The following TBC1D30 variants were observed in gnomAD, a reference collection of about 807,000 sequenced individuals.
TBC1D30 encodes TBC1 domain family, member 30.
A neutral mutation model predicts 63.2 loss-of-function variants in TBC1D30; 31 were observed. The observed-to-expected ratio is 0.49, with a 90% confidence interval of 0.37 to 0.66. The LOEUF is 0.66. TBC1D30 is among the 30% of genes least tolerant of loss of function. The pLI is 0.00. For synonymous variants in TBC1D30, 307 were observed against 361.5 expected (o/e 0.85, Z 1.71); for missense variants, 810 against 953.6 (o/e 0.85, Z 1.98).
At position 64,828,511 on chromosome 12, in the gene TBC1D30, TA is replaced by T. The variant is rs1874560938; in HGVS notation, c.282+4del. Reference sequence around the variant, plus strand: ...ATACCAAAGGAATGGAGGAGAAAGGTAAGGAGGACTCATAGGGCTAGAATAC... The same window carrying T: ...ATACCAAAGGAATGGAGGAGAAAGGTAGGAGGACTCATAGGGCTAGAATAC... On this transcript the variant is annotated splice_donor_region_variant and intron_variant, in intron 3 of 11. Transcript: ENST00000539867. 6.5e-7 allele frequency: 1 copy of T among 1,532,918 alleles called. No homozygotes were observed. Among genetic ancestry groups the T allele is most frequent in the Non-Finnish European group, 8.7e-7 (1 of 1,144,132 alleles). The allele number at this position is 1,532,918 out of a possible 1,614,324, so 95.0% of individuals were successfully genotyped here. A position where few individuals can be genotyped will look rare whatever the true frequency, so the allele number is the denominator to read the frequency against.
chr12:64,780,726 C>G (rs956854253), exon 1 of TBC1D30: 7 of 982,250 alleles, frequency 7.1e-6, no homozygotes, highest in Non-Finnish European at 8.5e-6. Context: ...CCGGCGAGGA[C>G]GAAGCCGCGC....
chr12:64,827,618 C>T (rs1039755773), intron 1 of TBC1D30, among the ~76,000 whole-genome samples: 1 of 151,948 alleles, frequency 6.6e-6, no homozygotes, highest in African/African-American at 2.4e-5. Flanking sequence ...TGTAAACCAC[C>T]GTCATATGTA....
exon 1 of TBC1D30, chr12:64,780,719 G>T: frequency 1.0e-6 from 1 of 980,946 alleles, no homozygotes; most frequent in Non-Finnish European, 1.2e-6. Flanking sequence ...GGCACCACCG[G>T]CGAGGACGAA....
rs1381091786 is a variant in TBC1D30, at chr12:64,875,422, G to A, written c.1920G>A (p.Pro640=). The change falls in exon 12 of 12, where the codon CCG becomes CCA. Residue 640 remains proline (P), a synonymous_variant. Coordinates refer to ENST00000539867, the MANE Select transcript of TBC1D30 (RefSeq NM_015279.2). ...CGATCGAGGGGCAGTCTCCGGAGCC[G>A]GTGTTCGGAGATGCTGATGTGGATG... is the stretch of plus-strand genomic sequence containing the variant. ...RRTIEGQSPE[P]VFGDADVDVS... 3.9e-6 allele frequency: 6 copies of A among 1,536,154 alleles called. No individual in the cohort carries two copies. Among genetic ancestry groups the A allele is most frequent in the Middle Eastern group, 1.7e-4 (1 of 5,990 alleles).
intron 2 of TBC1D30, among the ~76,000 whole-genome samples, chr12:64,796,874 C>CT (rs1255622449): frequency 6.6e-6 from 1 of 151,864 alleles, no homozygotes; most frequent in Non-Finnish European, 1.5e-5. Context: ...AAAAGAAATA[C>CT]TTTTTCCCCC....
intron 2 of TBC1D30, among the ~76,000 whole-genome samples, chr12:64,799,226 C>G (rs921261325): frequency 6.6e-6 from 1 of 152,084 alleles, no homozygotes; most frequent in African/African-American, 2.4e-5. Flanking sequence ...CCCCTGGGCT[C>G]AGATCCCAGT....
In TBC1D30 at chr12:64,880,347, A is replaced by G. The variant is rs1262624786; in HGVS notation, c.*4559A>G. ...TGACTCAGTTCAGGCTGCTGTAACA[A>G]AGTACCATAGACTGAGGTGGCTTAA... On this transcript the variant is annotated 3_prime_UTR_variant, in exon 12 of 12. Transcript: ENST00000539867. 6.6e-6 allele frequency: 1 copy of G among 152,270 alleles called. No individual in the cohort carries two copies. The highest frequency in any genetic ancestry group is 1.9e-4 in the East Asian group (1 of 5,202). The allele number at this position is 152,270 out of a possible 1,614,324, so 9.4% of individuals were successfully genotyped here. A position where few individuals can be genotyped will look rare whatever the true frequency, so the allele number is the denominator to read the frequency against.
intron 8 of TBC1D30, among the ~76,000 whole-genome samples, chr12:64,848,912 T>G (rs1204527184): frequency 6.6e-6 from 1 of 152,236 alleles, no homozygotes; most frequent in East Asian, 1.9e-4. Flanking sequence ...GCATTCCTAT[T>G]TCTCCACATC....
chr12:64,809,954 C>T (rs1450366065), intron 2 of TBC1D30, among the ~76,000 whole-genome samples: 1 of 152,068 alleles, frequency 6.6e-6, no homozygotes, highest in African/African-American at 2.4e-5. Context: ...TTCTTCTTCG[C>T]TATTTCCTCC....
At chr12:64,791,559 G>C (rs1871920825) in intron 2 of TBC1D30, among the ~76,000 whole-genome samples, 1 of 152,052 alleles carries the variant, frequency 6.6e-6, no homozygotes, top group Non-Finnish European at 1.5e-5. Context: ...GTGTCACCCA[G>C]GCTGGAATGC....
intron 2 of TBC1D30, among the ~76,000 whole-genome samples, chr12:64,817,503 C>T (rs565774040): frequency 4.6e-5 from 7 of 152,320 alleles, no homozygotes; most frequent in East Asian, 1.9e-4. Context: ...TCTCTTCACA[C>T]GTCTCCTCAT....
Position 64,824,769 on chromosome 12 carries a change from G to A in TBC1D30, c.-111G>A, listed in dbSNP as rs1874145567. 7.2e-7 allele frequency: 1 copy of A among 1,394,808 alleles called. No homozygotes were observed. The highest frequency in any genetic ancestry group is 9.5e-7 in the Non-Finnish European group (1 of 1,055,598). 86.4% of individuals were successfully genotyped at this position (1,394,808 alleles called of 1,614,324 possible). A position where few individuals can be genotyped will look rare whatever the true frequency, so the allele number is the denominator to read the frequency against. ...CGGCTGTGCGCTCCCTGCTCCCACG[G>A]GCCGGTCAGCCGCAGACACTCACCC... On this transcript the variant is annotated 5_prime_UTR_variant, in exon 1 of 12. Coordinates refer to ENST00000539867, the MANE Select transcript of TBC1D30 (RefSeq NM_015279.2).
rs373088689 is a variant in TBC1D30 at position 64,816,745 on chromosome 12, T to C, written c.644-11090T>C. Among the ~76,000 whole-genome samples, 8 of 152,190 alleles carry C rather than the reference T, an allele frequency of 5.3e-5. No homozygotes were observed. The South Asian group carries it at 1.5e-3, about 28-fold the overall frequency. On this transcript the variant is annotated intron_variant, in intron 2 of 12. Transcript: ENST00000542120. ...TAGTCACAGCATTCTTTTGTTCCTT[T>C]CTTTTCTTTTCTCTTTCTTTCTCTT...
intron 1 of TBC1D30, among the ~76,000 whole-genome samples, chr12:64,764,865 A>G (rs1173867102): frequency 6.6e-6 from 1 of 152,250 alleles, no homozygotes; most frequent in African/African-American, 2.4e-5. Context: ...GGCAAGGCAA[A>G]GAATGACCAA....
At chr12:64,790,964 C>G (rs549246683) in intron 2 of TBC1D30, among the ~76,000 whole-genome samples, 1 of 152,128 alleles carries the variant, frequency 6.6e-6, no homozygotes, top group Non-Finnish European at 1.5e-5. Context: ...AGACATATGT[C>G]CCCACAAAAA....
At chr12:64,765,339 A>C (rs1870667629) in intron 1 of TBC1D30, among the ~76,000 whole-genome samples, 2 of 151,638 alleles carry the variant, frequency 1.3e-5, no homozygotes, top group Non-Finnish European at 2.9e-5. Flanking sequence ...AATACAAAAA[A>C]TTAGCTGGGC....
chr12:64,808,734 C>T lies in TBC1D30; in HGVS notation c.644-19101C>T, dbSNP rs930850945. ...CTCTGTGCCTATTAAACAGTAATTC[C>T]CCATTCCCTCCCTCCCCAGCCCCTG... On this transcript the variant is annotated intron_variant, in intron 2 of 12. Coordinates refer to the TBC1D30 transcript ENST00000542120. Among the ~76,000 whole-genome samples, 66 of 151,956 alleles carry T rather than the reference C, an allele frequency of 4.3e-4. 2 individuals carry two copies. Among genetic ancestry groups the T allele is most frequent in the Non-Finnish European group, 4.4e-5 (3 of 67,996 alleles).
Position 64,876,485 on chromosome 12 carries a change from C to G in TBC1D30, c.*697C>G. ...ATGCACAGGACACACTTGGCATATG[C>G]TTTACGCAGTTGCTCCGGACAGCTT... is the stretch of plus-strand genomic sequence containing the variant. On this transcript the variant is annotated 3_prime_UTR_variant, in exon 12 of 12. Transcript: ENST00000539867. The G allele has an allele frequency of 3.7e-6, 1 of 267,472 alleles. No homozygotes were observed. Among genetic ancestry groups the G allele is most frequent in the Non-Finnish European group, 7.5e-6 (1 of 133,726 alleles). 16.6% of individuals were successfully genotyped at this position (267,472 alleles called of 1,614,324 possible). A position where few individuals can be genotyped will look rare whatever the true frequency, so the allele number is the denominator to read the frequency against.
chr12:64,810,306 A>C (rs568159590), intron 2 of TBC1D30, among the ~76,000 whole-genome samples: 11 of 152,086 alleles, frequency 7.2e-5, no homozygotes, highest in Non-Finnish European at 1.6e-4. Flanking sequence ...TTTTTGCCTC[A>C]TTTCTTTGCT....
Sources: gnomAD v4.1 joint callset for allele counts (sites outside exome capture counted in the v4.1 genomes callset) on GRCh38, gnomAD v4.1.1 for gene constraint, MANE v1.5 for transcripts, NCBI Gene and HGNC (gene_info 2026-07-23, HGNC 2026-07-21) for gene names.